Variants in CFAP299 observed in about 807,000 individuals in gnomAD.
CFAP299 encodes the protein cilia and flagella associated protein 299.
A neutral mutation model predicts 27.0 loss-of-function variants in CFAP299; 21 were observed. The ratio of observed to expected loss-of-function variants is 0.78; its 90% confidence interval spans 0.55 to 1.12. CFAP299 has a LOEUF of 1.12. Ranked by LOEUF, CFAP299 falls within the 50% of genes most tolerant of loss-of-function variation. CFAP299 has a pLI of 0.00. For missense variants in CFAP299, 310 were observed against 276.6 expected, an observed-to-expected ratio of 1.12 and a Z score of -0.86; for synonymous variants, 104 against 98.1, an observed-to-expected ratio of 1.06 and a Z score of -0.36.
chr4:80,955,929 G>A (rs983896412), intron 5 of CFAP299, among the ~76,000 whole-genome samples: 3 of 152,156 alleles, frequency 2.0e-5, no homozygotes, highest in Non-Finnish European at 4.4e-5. Flanking sequence ...GAACCTGGGA[G>A]GCAGAGATTG....
At chr4:80,783,668 ATATAT>A (rs1176120191) in intron 3 of CFAP299, among the ~76,000 whole-genome samples, 1 of 152,184 alleles carries the variant, frequency 6.6e-6, no homozygotes, top group Non-Finnish European at 1.5e-5. Context: ...GTGCTTATAC[ATATAT>A]TATGGCATTT....
At chr4:80,921,657 C>T (rs547131107) in intron 4 of CFAP299, among the ~76,000 whole-genome samples, 1 of 152,038 alleles carries the variant, frequency 6.6e-6, no homozygotes, top group South Asian at 2.1e-4. Context: ...GTGACTCATT[C>T]AAAGAAATTT....
At chr4:80,732,243 A>G (rs548314918) in intron 3 of CFAP299, among the ~76,000 whole-genome samples, 3 of 152,180 alleles carry the variant, frequency 2.0e-5, no homozygotes, top group Non-Finnish European at 4.4e-5. Context: ...ATTTGGAGAA[A>G]AGCCATAGAT....
intron 3 of CFAP299, among the ~76,000 whole-genome samples, chr4:80,631,232 ATTTTATAATTTAT>A (rs1739187581): frequency 6.6e-6 from 1 of 152,040 alleles, no homozygotes; most frequent in South Asian, 2.1e-4. Context: ...CTTTATCATT[ATTTTATAATTTAT>A]TTTTATAAGA....
intron 2 of CFAP299, among the ~76,000 whole-genome samples, chr4:80,444,017 A>G (rs969819101): frequency 1.3e-5 from 2 of 152,206 alleles, no homozygotes. Context: ...CCACTGCTCA[A>G]GGAAACAAGA....
At chr4:80,722,782 C>T (rs1363199513) in intron 3 of CFAP299, among the ~76,000 whole-genome samples, 2 of 152,128 alleles carry the variant, frequency 1.3e-5, no homozygotes, top group South Asian at 2.1e-4. Context: ...CGCCTGTAGT[C>T]CCAGCTACTT....
intron 4 of CFAP299, among the ~76,000 whole-genome samples, chr4:80,920,244 C>T (rs1735978926): frequency 6.6e-6 from 1 of 152,124 alleles, no homozygotes; most frequent in South Asian, 2.1e-4. Flanking sequence ...TTGAATGTGA[C>T]TCACCTATCT....
intron 3 of CFAP299, among the ~76,000 whole-genome samples, chr4:80,757,887 A>G (rs72866726): frequency 0.042 from 6,465 of 152,170 alleles, 343 homozygotes; most frequent in African/African-American, 0.12. Context: ...CACTCACTGG[A>G]ACCTGCTGTG....
At chr4:80,492,255 G>A (rs1731175398) in intron 2 of CFAP299, among the ~76,000 whole-genome samples, 2 of 152,128 alleles carry the variant, frequency 1.3e-5, no homozygotes, top group African/African-American at 4.8e-5. Context: ...ACCACCTTGG[G>A]CACGTGTTCT....
chr4:80,861,287 G>T (rs907831780), intron 3 of CFAP299, among the ~76,000 whole-genome samples: 11 of 152,250 alleles, frequency 7.2e-5, no homozygotes, highest in African/African-American at 2.6e-4. Context: ...GGGTGGGAGT[G>T]ACCCGATTTT....
At chr4:80,681,628 G>A (rs1432804292) in intron 3 of CFAP299, among the ~76,000 whole-genome samples, 1 of 152,004 alleles carries the variant, frequency 6.6e-6, no homozygotes, top group African/African-American at 2.4e-5. Context: ...TTTCTAAAGT[G>A]TTAAAAGAAA....
At chr4:80,844,393 T>C (rs1731044802) in intron 3 of CFAP299, among the ~76,000 whole-genome samples, 1 of 152,166 alleles carries the variant, frequency 6.6e-6, no homozygotes, top group South Asian at 2.1e-4. Context: ...GTTCCTATTT[T>C]TCCACATCCT....
rs571565740 is a variant in CFAP299 at position 80,571,564 on chromosome 4, T to G, written c.243-11529T>G. Among the ~76,000 whole-genome samples the G allele has an allele frequency of 5.3e-4, 80 of 152,206 alleles. No individual in the cohort carries two copies. The South Asian group carries it at 0.014, about 26-fold the overall frequency. On this transcript the variant is annotated intron_variant, in intron 2 of 5. Transcript: ENST00000358105. ...AAAATTATTACATCTTGTTCCAAAA[T>G]GAGAAACAGCATATTATGGACTAAA...
At chr4:80,939,697 C>G (rs1737095391) in intron 4 of CFAP299, among the ~76,000 whole-genome samples, 1 of 152,076 alleles carries the variant, frequency 6.6e-6, no homozygotes, top group African/African-American at 2.4e-5. Context: ...CTTTGGTAGT[C>G]TCATGTTTCC....
chr4:80,837,522 G>C (rs1165123769), intron 3 of CFAP299, among the ~76,000 whole-genome samples: 1 of 152,060 alleles, frequency 6.6e-6, no homozygotes, highest in Non-Finnish European at 1.5e-5. Flanking sequence ...ACTTACCAGT[G>C]AGAACATGTG....
intron 3 of CFAP299, among the ~76,000 whole-genome samples, chr4:80,841,701 T>C (rs929528352): frequency 7.9e-5 from 12 of 152,004 alleles, no homozygotes; most frequent in African/African-American, 2.9e-4. Flanking sequence ...GGCAAGTGGG[T>C]ATCCTCTTTT....
intron 1 of CFAP299, among the ~76,000 whole-genome samples, chr4:80,361,481 A>G (rs1723545963): frequency 6.6e-6 from 1 of 152,160 alleles, no homozygotes; most frequent in East Asian, 1.9e-4. Context: ...CTGCATTGGT[A>G]TTTCTATTAA....
At chr4:80,693,441 GCAAGAA>G (rs961376367) in intron 3 of CFAP299, among the ~76,000 whole-genome samples, 12 of 149,856 alleles carry the variant, frequency 8.0e-5, no homozygotes, top group African/African-American at 2.5e-4. Flanking sequence ...GTAAACTATC[GCAAGAA>G]CAAAAAACCA....
intron 3 of CFAP299, among the ~76,000 whole-genome samples, chr4:80,636,111 A>G (rs917996024): frequency 5.9e-5 from 9 of 152,192 alleles, no homozygotes; most frequent in African/African-American, 2.2e-4. Flanking sequence ...GGTCACTAAT[A>G]TATCTCAGAA....
Sources: gnomAD v4.1 joint callset for allele counts (sites outside exome capture counted in the v4.1 genomes callset) on GRCh38, gnomAD v4.1.1 for gene constraint, MANE v1.5 for transcripts, NCBI Gene and HGNC (gene_info 2026-07-23, HGNC 2026-07-21) for gene names.